Variants in FBXO10 observed in about 807,000 individuals in gnomAD.
FBXO10 encodes F-box protein 10, also known as F-box only protein 10.
FBXO10 carries 39 observed loss-of-function variants against 80.7 expected under a neutral mutation model. The observed-to-expected ratio is 0.48, with a 90% CI of 0.37 to 0.63. The LOEUF is 0.63. Among genes scored for constraint, FBXO10 ranks in the 30% least tolerant of loss-of-function variants. The pLI is 0.00. For missense variants in FBXO10, 1,025 were observed against 1,269.0 expected, an observed-to-expected ratio of 0.81 and a Z score of 2.92; for synonymous variants, 449 against 489.6, an observed-to-expected ratio of 0.92 and a Z score of 1.09.
chr9:37,561,607 C>T (rs919427327), intron 1 of FBXO10, among the ~76,000 whole-genome samples: 8 of 152,092 alleles, frequency 5.3e-5, no homozygotes, highest in African/African-American at 1.9e-4. Flanking sequence ...CAATGGCTGG[C>T]CTGATACACC....
chr9:37,568,539 CT>C (rs1299400645), intron 1 of FBXO10, among the ~76,000 whole-genome samples: 5 of 152,192 alleles, frequency 3.3e-5, no homozygotes, highest in African/African-American at 1.2e-4. Context: ...AACCAATTTA[CT>C]TTGTTTTCTC....
intron 1 of FBXO10, among the ~76,000 whole-genome samples, chr9:37,566,397 G>T (rs1472281359): frequency 1.3e-5 from 2 of 149,784 alleles, no homozygotes; most frequent in African/African-American, 2.5e-5. Context: ...GGTGGAGGTT[G>T]CAGTGAGCTG....
At chr9:37,528,703 A>G (rs1821539619) in intron 5 of FBXO10, among the ~76,000 whole-genome samples, 1 of 152,176 alleles carries the variant, frequency 6.6e-6, no homozygotes, top group Admixed American at 6.5e-5. Flanking sequence ...CCTATCACTT[A>G]TATCAGTCCC....
rs191650512 is a variant in FBXO10, at chr9:37,570,289, G to C, written c.-7+5922C>G. On this transcript the variant is annotated intron_variant, in intron 1 of 10. Coordinates refer to ENST00000432825, the MANE Select transcript of FBXO10 (RefSeq NM_012166.3). ...AGATTGTGCCATTGCACTCCAGCCT[G>C]GGCAACAAGAGTGAAAGTCTGTCTC... is the stretch of plus-strand genomic sequence containing the variant. Among the ~76,000 whole-genome samples the C allele has an allele frequency of 1.3e-3, 203 of 152,038 alleles. 1 individual carries two copies. Among genetic ancestry groups the C allele is most frequent in the Middle Eastern group, 6.8e-3 (2 of 294 alleles).
intron 1 of FBXO10, among the ~76,000 whole-genome samples, chr9:37,560,006 C>G (rs1373302550): frequency 6.6e-6 from 1 of 152,220 alleles, no homozygotes. Flanking sequence ...GACTTCACTA[C>G]TCTTCCCCAG....
chr9:37,575,343 A>C lies in FBXO10; in HGVS notation c.-7+868T>G, dbSNP rs147500230. On this transcript the variant is annotated intron_variant, in intron 1 of 10. Transcript: ENST00000432825. ...CTTACAAACCAAAACGGCAGTTTTCAGGACTAAAAATATAGAAACAAATGT... is the reference window on the plus strand; with the variant it reads ...CTTACAAACCAAAACGGCAGTTTTCCGGACTAAAAATATAGAAACAAATGT... 7.2e-3 allele frequency among the ~76,000 whole-genome samples: 1,094 copies of C among 152,340 alleles called. 7 individuals are homozygous for C. Among genetic ancestry groups the C allele is most frequent in the African/African-American group, 0.025 (1,029 of 41,580 alleles).
At position 37,572,671 on chromosome 9, in the gene FBXO10, A is replaced by T. The variant is rs577784391; in HGVS notation, c.-7+3540T>A. ...AAAGAAAAGCAAAAAAATGATTATCACAAGATGATTTCTTCTAGGGGAGGA... is the reference window on the plus strand; with the variant it reads ...AAAGAAAAGCAAAAAAATGATTATCTCAAGATGATTTCTTCTAGGGGAGGA... On this transcript the variant is annotated intron_variant, in intron 1 of 10. Coordinates refer to ENST00000432825, the MANE Select transcript of FBXO10 (RefSeq NM_012166.3). Among the ~76,000 whole-genome samples the T allele has an allele frequency of 7.2e-5, 11 of 152,368 alleles. No individual in the cohort carries two copies. The South Asian group carries it at 2.3e-3, about 32-fold the overall frequency.
At chr9:37,550,169 GT>G (rs74171511) in intron 1 of FBXO10, among the ~76,000 whole-genome samples, 18 of 67,994 alleles carry the variant, frequency 2.6e-4, no homozygotes, top group East Asian at 1.5e-3. Context: ...GTCGTCTCAG[GT>G]TTTTTTTTTT....
At chr9:37,543,730 G>C (rs1217595932) in intron 1 of FBXO10, among the ~76,000 whole-genome samples, 4 of 152,104 alleles carry the variant, frequency 2.6e-5, no homozygotes, top group Non-Finnish European at 5.9e-5. Flanking sequence ...CCTAGTTCAA[G>C]GTCTCTCATT....
chr9:37,544,708 A>G (rs1822008243), intron 1 of FBXO10, among the ~76,000 whole-genome samples: 1 of 152,038 alleles, frequency 6.6e-6, no homozygotes, highest in Non-Finnish European at 1.5e-5. Context: ...CTAAGAGAGA[A>G]AAGCGGCCGG....
At chr9:37,522,548 C>A in intron 7 of FBXO10, 1 of 1,201,124 alleles carries the variant, frequency 8.3e-7, no homozygotes, top group Non-Finnish European at 1.0e-6. Context: ...CTGAAATGGT[C>A]CTGTCCTTAA....
Position 37,518,352 on chromosome 9 carries a change from C to T in FBXO10, c.2287G>A (p.Ala763Thr). The T allele has an allele frequency of 6.2e-7, 1 of 1,614,008 alleles. No homozygotes were observed. The highest frequency in any genetic ancestry group is 1.1e-5 in the South Asian group (1 of 91,080). The change falls in exon 9 of 11, where the codon GCC (alanine) becomes ACC (threonine). Residue 763 changes from alanine to threonine, a missense_variant. Ala to Thr is a moderately conservative substitution (Grantham distance 58). Transcript: ENST00000432825. ...HANGDRGITV[A>T]QSSQPTRVAN... ...ACTCGGGTGGGTTGGCTGCTCTGGGCCACAGTAATGCCTCTGTCCCCATTC... is the reference window on the plus strand; with the variant it reads ...ACTCGGGTGGGTTGGCTGCTCTGGGTCACAGTAATGCCTCTGTCCCCATTC...
chr9:37,551,321 G>A (rs1460325167), intron 1 of FBXO10, among the ~76,000 whole-genome samples: 1 of 152,216 alleles, frequency 6.6e-6, no homozygotes, highest in Non-Finnish European at 1.5e-5. Flanking sequence ...TCCCAGGCTG[G>A]TGCTGTGTGC....
intron 3 of FBXO10, among the ~76,000 whole-genome samples, chr9:37,533,872 CA>C (rs200965716): frequency 2.4e-4 from 26 of 108,962 alleles, no homozygotes; most frequent in East Asian, 2.6e-4. Flanking sequence ...GACTCCGTCT[CA>C]AAAAAAAAAA....
chr9:37,523,288 G>A (rs1232801178), intron 6 of FBXO10, among the ~76,000 whole-genome samples: 1 of 152,186 alleles, frequency 6.6e-6, no homozygotes, highest in East Asian at 1.9e-4. Flanking sequence ...GGTGGCTCAT[G>A]CCTGTAATCC....
chr9:37,517,041 C>G (rs1028532930), intron 9 of FBXO10, among the ~76,000 whole-genome samples: 15 of 151,900 alleles, frequency 9.9e-5, no homozygotes, highest in African/African-American at 3.4e-4. Context: ...GAAATAACAG[C>G]CTTTGCAGCA....
intron 2 of FBXO10, among the ~76,000 whole-genome samples, chr9:37,540,319 C>T (rs1041954611): frequency 2.6e-5 from 4 of 152,000 alleles, no homozygotes; most frequent in African/African-American, 9.7e-5. Flanking sequence ...TCCCGAGTAG[C>T]TGGGATTACA....
rs372987688 is a variant in FBXO10, at chr9:37,529,194, G to A, written c.1636C>T (p.Arg546Trp). Residue 546 changes from arginine (R) to tryptophan (W), a missense_variant, in exon 5 of 11, where the codon CGG (arginine) becomes TGG (tryptophan). Transcript: ENST00000432825. ...TTATTGGAAAAGATTTGATTGTTCC[G>A]GATGATGCCTTTCCCATTGCCAAGG... is the stretch of plus-strand genomic sequence containing the variant. ...VVLGNGKGII[R>W]NNQIFSNKEA... 2.2e-5 allele frequency: 36 copies of A among 1,613,536 alleles called. No homozygotes were observed. The highest frequency in any genetic ancestry group is 2.7e-5 in the Non-Finnish European group (32 of 1,179,780).
At chr9:37,519,111 G>A (rs907047032) in intron 8 of FBXO10, among the ~76,000 whole-genome samples, 9 of 152,030 alleles carry the variant, frequency 5.9e-5, no homozygotes, top group African/African-American at 1.2e-4. Flanking sequence ...TGGTTTCACC[G>A]TGTTAGCCAG....
Sources: gnomAD v4.1 joint callset for allele counts (sites outside exome capture counted in the v4.1 genomes callset) on GRCh38, gnomAD v4.1.1 for gene constraint, MANE v1.5 for transcripts, NCBI Gene and HGNC (gene_info 2026-07-23, HGNC 2026-07-21) for gene names.